MACROD2: variants seen among roughly 807,000 people sequenced by gnomAD.
MACROD2 encodes mono-ADP ribosylhydrolase 2.
MACROD2 carries 36 observed loss-of-function variants against 70.4 expected under a neutral mutation model. The observed-to-expected ratio is 0.51, with a 90% CI of 0.39 to 0.68. The LOEUF is 0.68. Among genes scored for constraint, MACROD2 ranks in the 30% least tolerant of loss-of-function variants. The pLI, the probability that MACROD2 is intolerant of heterozygous loss-of-function variation, is 0.00. For synonymous variants in MACROD2, 172 were observed against 178.8 expected, an observed-to-expected ratio of 0.96 and a Z score of 0.30; for missense variants, 496 against 538.4, an observed-to-expected ratio of 0.92 and a Z score of 0.78.
intron 5 of MACROD2, among the ~76,000 whole-genome samples, chr20:15,106,642 G>T (rs527742768): frequency 6.6e-6 from 1 of 152,260 alleles, no homozygotes; most frequent in East Asian, 1.9e-4. Context: ...GAACAGCGTG[G>T]TATCTGCAGC....
At chr20:14,540,437 A>G (rs372760894) in intron 4 of MACROD2, among the ~76,000 whole-genome samples, 5 of 152,124 alleles carry the variant, frequency 3.3e-5, no homozygotes, top group African/African-American at 1.2e-4. Flanking sequence ...TTCTATTTTT[A>G]TATTAAACAG....
At chr20:15,497,639 T>C (rs931709353) in intron 7 of MACROD2, among the ~76,000 whole-genome samples, 1 of 152,158 alleles carries the variant, frequency 6.6e-6, no homozygotes. Context: ...TCTGCTTTTC[T>C]CTCCCGTTCA....
At chr20:15,484,248 A>G (rs967804633) in intron 7 of MACROD2, among the ~76,000 whole-genome samples, 1 of 152,066 alleles carries the variant, frequency 6.6e-6, no homozygotes, top group African/African-American at 2.4e-5. Flanking sequence ...CTTGACAGCC[A>G]AACATAATGT....
At chr20:15,886,448 G>A (rs2064823580) in intron 10 of MACROD2, among the ~76,000 whole-genome samples, 2 of 152,104 alleles carry the variant, frequency 1.3e-5, no homozygotes, top group Admixed American at 1.3e-4. Context: ...ATAGTCACAA[G>A]CCTGCCAAAA....
At chr20:14,614,121 C>T (rs945699146) in intron 4 of MACROD2, among the ~76,000 whole-genome samples, 9 of 152,092 alleles carry the variant, frequency 5.9e-5, no homozygotes, top group African/African-American at 1.2e-4. Context: ...GTCATAAATT[C>T]GGAGCCTGAG....
chr20:15,153,171 G>A (rs1359507362), intron 5 of MACROD2, among the ~76,000 whole-genome samples: 1 of 152,080 alleles, frequency 6.6e-6, no homozygotes, highest in Non-Finnish European at 1.5e-5. Flanking sequence ...TCCATGTGAA[G>A]AGACCACCAA....
intron 4 of MACROD2, among the ~76,000 whole-genome samples, chr20:14,517,550 T>A (rs1044819199): frequency 4.6e-5 from 7 of 151,884 alleles, no homozygotes; most frequent in Non-Finnish European, 1.0e-4. Context: ...GGTGGGGGAC[T>A]AGGGGAGGGA....
At chr20:14,325,525 CA>C (rs2044892985) in intron 3 of MACROD2, 1 of 1,566,966 alleles carries the variant, frequency 6.4e-7, no homozygotes, top group Non-Finnish European at 8.6e-7. Flanking sequence ...TTAAAAAACC[CA>C]AAACACAAGT....
chr20:15,441,515 A>G (rs2046494599), intron 7 of MACROD2, among the ~76,000 whole-genome samples: 1 of 152,192 alleles, frequency 6.6e-6, no homozygotes, highest in African/African-American at 2.4e-5. Context: ...CCAGATGAAC[A>G]ATTTTGGGAC....
chr20:15,016,595 G>C (rs1010280884), intron 5 of MACROD2, among the ~76,000 whole-genome samples: 16 of 152,016 alleles, frequency 1.1e-4, no homozygotes. Context: ...AGCCTGGCAC[G>C]TCCCCCCTCT....
chr20:14,249,914 A>G (rs1311638861), intron 3 of MACROD2, among the ~76,000 whole-genome samples: 1 of 152,154 alleles, frequency 6.6e-6, no homozygotes, highest in African/African-American at 2.4e-5. Flanking sequence ...GGTGGGGGAT[A>G]GCAGTATAAA....
chr20:15,495,817 G>A (rs1042907161), intron 7 of MACROD2, among the ~76,000 whole-genome samples: 1 of 152,202 alleles, frequency 6.6e-6, no homozygotes, highest in Non-Finnish European at 1.5e-5. Flanking sequence ...ATGGTATTAT[G>A]AAAACACAAC....
At chr20:15,974,049 C>T (rs531921824) in intron 13 of MACROD2, among the ~76,000 whole-genome samples, 3 of 152,240 alleles carry the variant, frequency 2.0e-5, no homozygotes, top group South Asian at 4.1e-4. Flanking sequence ...ATGTACTTAG[C>T]AGGGTAGTCC....
intron 8 of MACROD2, among the ~76,000 whole-genome samples, chr20:15,810,189 T>C (rs1189162160): frequency 6.6e-6 from 1 of 152,070 alleles, no homozygotes; most frequent in Non-Finnish European, 1.5e-5. Flanking sequence ...ACAAAGGATA[T>C]GAACTCATCA....
chr20:14,579,031 A>G (rs1430403676), intron 4 of MACROD2, among the ~76,000 whole-genome samples: 2 of 150,882 alleles, frequency 1.3e-5, no homozygotes, highest in Non-Finnish European at 2.9e-5. Context: ...TAACCCCTAC[A>G]TTTTACCATT....
intron 4 of MACROD2, among the ~76,000 whole-genome samples, chr20:14,668,868 T>G (rs6034004): frequency 0.012 from 1,892 of 152,182 alleles, 41 homozygotes; most frequent in African/African-American, 0.043. Flanking sequence ...GGAGTAAAAT[T>G]TCATCAACAT....
intron 5 of MACROD2, among the ~76,000 whole-genome samples, chr20:15,145,217 CCT>C (rs2076221735): frequency 6.6e-6 from 1 of 152,082 alleles, no homozygotes; most frequent in African/African-American, 2.4e-5. Context: ...CGCTATGCTT[CCT>C]CATACTGATT....
intron 5 of MACROD2, among the ~76,000 whole-genome samples, chr20:14,876,303 C>G (rs1488533118): frequency 6.6e-6 from 1 of 152,000 alleles, no homozygotes; most frequent in Non-Finnish European, 1.5e-5. Flanking sequence ...CCTCGTTTCA[C>G]TTTTTAATAG....
At chr20:15,467,599 T>A (rs903027510) in intron 7 of MACROD2, among the ~76,000 whole-genome samples, 2 of 152,228 alleles carry the variant, frequency 1.3e-5, no homozygotes, top group Admixed American at 1.3e-4. Flanking sequence ...TCTCCTTTTC[T>A]TTATATTTTA....
Sources: allele counts gnomAD v4.1 joint callset (sites outside exome capture counted in the v4.1 genomes callset), GRCh38; gene constraint gnomAD v4.1.1; transcripts MANE v1.5; gene names NCBI Gene and HGNC (gene_info 2026-07-23, HGNC 2026-07-21).